Variants in SPTBN1 observed in about 807,000 individuals in gnomAD.
The protein encoded by SPTBN1 is spectrin beta, non-erythrocytic 1.
In SPTBN1, 32 loss-of-function variants were observed where a neutral mutation model predicts 266.4. The ratio of observed to expected loss-of-function variants is 0.12; its 90% CI spans 0.09 to 0.16. The LOEUF (loss-of-function observed/expected upper bound fraction) is 0.16. Ranked by LOEUF, SPTBN1 falls within the 10% of genes least tolerant of loss-of-function variation. The pLI, the probability that SPTBN1 is intolerant of heterozygous loss-of-function variation, is 1.00. For missense variants in SPTBN1, 2,296 were observed against 3,067.1 expected (o/e 0.75, Z 5.94); for synonymous variants, 1,336 against 1,162.2 (o/e 1.15, Z -3.04).
intron 1 of SPTBN1, among the ~76,000 whole-genome samples, chr2:54,467,298 A>G (rs1029500904): frequency 6.6e-6 from 1 of 151,956 alleles, no homozygotes; most frequent in Non-Finnish European, 1.5e-5. Flanking sequence ...TGGGAAGGAA[A>G]ACTTAGATTC....
intron 3 of SPTBN1, among the ~76,000 whole-genome samples, chr2:54,606,518 C>G (rs1210146768): frequency 6.6e-6 from 1 of 152,164 alleles, no homozygotes; most frequent in African/African-American, 2.4e-5. Flanking sequence ...TCAGAAGCCC[C>G]TGCACCTTTC....
intron 2 of SPTBN1, among the ~76,000 whole-genome samples, chr2:54,570,534 T>G (rs765343913): frequency 3.9e-5 from 6 of 152,204 alleles, no homozygotes; most frequent in Non-Finnish European, 7.3e-5. Context: ...TTTATTTGGC[T>G]GAATCCCCCT....
Position 54,645,182 on chromosome 2 carries a change from C to T in SPTBN1, c.4270-47C>T. 1.9e-6 allele frequency: 3 copies of T among 1,605,498 alleles called. No homozygotes were observed. The highest frequency in any genetic ancestry group is 4.5e-5 in the East Asian group (2 of 44,830). ...CAGTTCTGCTTAGAGCCAGTCACTGCAAAAGATAGTCTGTGCTGAGCGCTG... is the reference window on the plus strand; with the variant it reads ...CAGTTCTGCTTAGAGCCAGTCACTGTAAAAGATAGTCTGTGCTGAGCGCTG... On this transcript the variant is annotated intron_variant, in intron 20 of 35. Coordinates refer to ENST00000356805, the MANE Select transcript of SPTBN1 (RefSeq NM_003128.3). This position sits in a 1 kb window ranked among gnomAD's most constrained non-coding sequence, Gnocchi z 4.3.
intron 1 of SPTBN1, among the ~76,000 whole-genome samples, chr2:54,470,075 A>G (rs1479155844): frequency 6.6e-6 from 1 of 152,210 alleles, no homozygotes; most frequent in Non-Finnish European, 1.5e-5. Flanking sequence ...ATGATTTCTT[A>G]TTTTGAAAGG....
At chr2:54,585,239 T>C (rs1675213846) in intron 2 of SPTBN1, among the ~76,000 whole-genome samples, 1 of 152,226 alleles carries the variant, frequency 6.6e-6, no homozygotes, top group Non-Finnish European at 1.5e-5. Flanking sequence ...CTTTGGTTAG[T>C]GTTCCTATAA....
At chr2:54,666,932 A>G (rs574951451) in intron 34 of SPTBN1, among the ~76,000 whole-genome samples, 3 of 152,296 alleles carry the variant, frequency 2.0e-5, no homozygotes, top group African/African-American at 4.8e-5. Context: ...TTGTAGGACA[A>G]TGCACCGGCA....
intron 8 of SPTBN1, 49 bp from the exon 9 acceptor site, chr2:54,622,251 A>C: frequency 6.3e-7 from 1 of 1,590,874 alleles, no homozygotes. Context: ...ATCGTATTTA[A>C]CTTATGGAGT....
At chr2:54,477,824 T>C (rs1573229245) in intron 1 of SPTBN1, among the ~76,000 whole-genome samples, 1 of 152,194 alleles carries the variant, frequency 6.6e-6, no homozygotes. Context: ...GGCAGGAGAA[T>C]TGCTTGAACC....
chr2:54,639,505 A>G (rs1679382935), intron 18 of SPTBN1, among the ~76,000 whole-genome samples: 1 of 152,256 alleles, frequency 6.6e-6, no homozygotes. Flanking sequence ...TAAGAAAAAG[A>G]AGACCAGGGA....
At chr2:54,561,249 A>C (rs189943811) in intron 2 of SPTBN1, among the ~76,000 whole-genome samples, 36 of 152,332 alleles carry the variant, frequency 2.4e-4, no homozygotes, top group Middle Eastern at 3.4e-3. Flanking sequence ...GGCTCAAGCC[A>C]TCCTCCCACC....
chr2:54,488,142 A>G (rs1413401423), intron 1 of SPTBN1, among the ~76,000 whole-genome samples: 1 of 151,954 alleles, frequency 6.6e-6, no homozygotes, highest in African/African-American at 2.4e-5. Context: ...CATATCCTTT[A>G]TGAATAAGAA....
In SPTBN1 at chr2:54,666,013, T is replaced by C. The variant is rs1439210037; in HGVS notation, c.6758T>C (p.Val2253Ala). Reference protein sequence around the residue: ...AASGIPYHSEVPVSLKEAVCE... With the variant: ...AASGIPYHSEAPVSLKEAVCE... ...TCTGGAATTCCCTACCACAGCGAGG[T>C]CCCTGTGAGTTTGAAAGAAGCTGTC... The change falls in exon 34 of 36, where the codon GTC becomes GCC. Residue 2253 changes from valine to alanine, a missense_variant. Physicochemically the swap from Val to Ala is moderately conservative, Grantham distance 64. Transcript: ENST00000356805. 6.2e-7 allele frequency: 1 copy of C among 1,614,012 alleles called. No homozygotes were observed.
rs757637838 is a variant in SPTBN1, at chr2:54,644,386, G to A, written c.4069G>A (p.Gly1357Ser). The A allele has an allele frequency of 3.1e-6, 5 of 1,614,080 alleles. No individual in the cohort carries two copies. The highest frequency in any genetic ancestry group is 4.5e-5 in the East Asian group (2 of 44,908). The change falls in exon 20 of 36, where the codon GGT (glycine) becomes AGT (serine). Residue 1357 changes from glycine to serine, a missense_variant. Around this residue, in one of 12 missense-constraint regions of SPTBN1, gnomAD observed 386 missense variants for 486.1 expected, o/e 0.79. Coordinates refer to ENST00000356805, the MANE Select transcript of SPTBN1 (RefSeq NM_003128.3). ...TEAVVKEKLTGLHKMWEVLES... is the reference protein window; with the variant it reads ...TEAVVKEKLTSLHKMWEVLES... ...AGCTGTGGTGAAGGAGAAACTCACT[G>A]GTTTACATAAAATGTGGGAAGTCCT...
intron 3 of SPTBN1, among the ~76,000 whole-genome samples, chr2:54,601,777 A>C (rs1676516383): frequency 6.6e-6 from 1 of 152,248 alleles, no homozygotes; most frequent in African/African-American, 2.4e-5. Context: ...ATAGATTCTT[A>C]GAGCCACTTC....
At position 54,649,068 on chromosome 2, in the gene SPTBN1, C is replaced by G; in HGVS notation, c.5080C>G (p.Leu1694Val). Residue 1694 changes from leucine (L) to valine (V), a missense_variant, in exon 25 of 36, where the codon CTG (leucine) becomes GTG (valine). Transcript: ENST00000356805. This position sits in a 1 kb window ranked among gnomAD's most constrained non-coding sequence, Gnocchi z 6.7. ...CCTTGCTGAAGAGAGAAGAGGCAAG[C>G]TGGATGAGAGACACAGGTTATTCCA... ...KDLAEERRGK[L>V]DERHRLFQLN... The G allele has an allele frequency of 1.9e-6, 3 of 1,614,174 alleles. No individual in the cohort carries two copies. The highest frequency in any genetic ancestry group is 1.7e-6 in the Non-Finnish European group (2 of 1,180,008).
chr2:54,656,031 G>A (rs771047664), intron 29 of SPTBN1, 33 bp downstream of exon 29: 2 of 1,549,302 alleles, frequency 1.3e-6, no homozygotes, highest in Non-Finnish European at 1.8e-6. Context: ...TGCTCTTTTG[G>A]GTATCAATGG....
intron 1 of SPTBN1, among the ~76,000 whole-genome samples, chr2:54,460,720 C>G (rs1257206098): frequency 5.3e-5 from 8 of 152,178 alleles, no homozygotes; most frequent in African/African-American, 1.7e-4. Context: ...CGTAAACCAG[C>G]TGGGTGCAGT....
At chr2:54,517,937 C>T (rs555698071) in intron 1 of SPTBN1, among the ~76,000 whole-genome samples, 12 of 125,688 alleles carry the variant, frequency 9.5e-5, no homozygotes, top group Admixed American at 9.2e-4. Flanking sequence ...AGCCACTGTG[C>T]CTGGTATTGT....
chr2:54,512,345 T>G (rs1202196211), intron 1 of SPTBN1, among the ~76,000 whole-genome samples: 1 of 152,210 alleles, frequency 6.6e-6, no homozygotes. Flanking sequence ...GATTTCTAAG[T>G]AAGTCTGGGA....
Sources: gnomAD v4.1 joint callset for allele counts (sites outside exome capture counted in the v4.1 genomes callset) on GRCh38, gnomAD v4.1.1 for gene constraint, gnomAD v4.1.1 regional missense constraint, Gnocchi (gnomAD v3.1) non-coding constraint, MANE v1.5 for transcripts, NCBI Gene and HGNC (gene_info 2026-07-23, HGNC 2026-07-21) for gene names.